The following BICC1 variants were observed in gnomAD, a reference collection of about 807,000 sequenced individuals.
BICC1 encodes protein bicaudal C homolog 1.
Under a neutral mutation model 111.0 loss-of-function variants are expected in BICC1, and 43 were observed. The ratio of observed to expected loss-of-function variants is 0.39; its 90% CI spans 0.30 to 0.50. The LOEUF is 0.50. Among genes scored for constraint, BICC1 ranks in the 20% least tolerant of loss-of-function variants. The pLI is 0.88. For synonymous variants in BICC1, 467 were observed against 434.4 expected (o/e 1.07, Z -0.93); for missense variants, 1,091 against 1,203.2 (o/e 0.91, Z 1.38).
chr10:58,548,285 A>G (rs911887893), intron 1 of BICC1, among the ~76,000 whole-genome samples: 2 of 152,202 alleles, frequency 1.3e-5, no homozygotes, highest in African/African-American at 4.8e-5. Flanking sequence ...TAGTGATTTT[A>G]GAATTCCTAA....
intron 1 of BICC1, among the ~76,000 whole-genome samples, chr10:58,604,770 T>C (rs988826284): frequency 6.6e-6 from 1 of 152,218 alleles, no homozygotes; most frequent in African/African-American, 2.4e-5. Context: ...TTAGTCTGTT[T>C]GGGCTGCTAT....
rs1845832587 is a variant in BICC1 at position 58,621,970 on chromosome 10, A to AACAGAACAGAAC, written c.237+1070_237+1071insCAGAACAGAACA. On this transcript the variant is annotated intron_variant, in intron 2 of 20. Coordinates refer to ENST00000373886, the MANE Select transcript of BICC1 (RefSeq NM_001080512.3). ...AGAATAGAATAGAATAGAATAGAAT[A>AACAGAACAGAAC]ATCCAGCCTGGGCAACATGGAGAAA... 2.2e-4 allele frequency among the ~76,000 whole-genome samples: 30 copies of AACAGAACAGAAC among 133,816 alleles called. 1 individual carries two copies. The highest frequency in any genetic ancestry group is 2.5e-4 in the South Asian group (1 of 4,016). The allele number at this position is 133,816 out of a possible 152,430, so 87.8% of individuals were successfully genotyped here.
intron 16 of BICC1, 94 bp downstream of exon 16, chr10:58,806,717 TCAGAAA>T: frequency 8.8e-7 from 1 of 1,137,082 alleles, no homozygotes; most frequent in Non-Finnish European, 1.3e-6. Flanking sequence ...ACTTGAAAAC[TCAGAAA>T]AAGAAACCTA....
intron 3 of BICC1, among the ~76,000 whole-genome samples, chr10:58,722,864 A>G (rs1482729069): frequency 6.6e-6 from 1 of 152,214 alleles, no homozygotes; most frequent in East Asian, 1.9e-4. Context: ...GAGGAAGTGT[A>G]GATTGACAAT....
At chr10:58,535,570 G>A (rs567680611) in intron 1 of BICC1, among the ~76,000 whole-genome samples, 3 of 151,842 alleles carry the variant, frequency 2.0e-5, no homozygotes, top group Admixed American at 6.6e-5. Flanking sequence ...TACAAGAAAT[G>A]CTAAAAGGAG....
chr10:58,610,761 T>C (rs1050802408), intron 1 of BICC1, among the ~76,000 whole-genome samples: 28 of 152,308 alleles, frequency 1.8e-4, no homozygotes, highest in African/African-American at 6.5e-4. Context: ...ATATACATTT[T>C]TCTTTTTGCG....
rs530237055 is a variant in BICC1 at position 58,584,786 on chromosome 10, CT to C, written c.191-36057del. 3.6e-3 allele frequency among the ~76,000 whole-genome samples: 509 copies of C among 141,762 alleles called. 3 individuals are homozygous for C. Among genetic ancestry groups the C allele is most frequent in the Middle Eastern group, 0.011 (3 of 270 alleles). 93.0% of individuals were successfully genotyped at this position (141,762 alleles called of 152,430 possible). ...TGAGTTCATTAGTGTATTGCAGTGC[CT>C]TTTTTTTTTTTCTTAGCACAATGAC... On this transcript the variant is annotated intron_variant, in intron 1 of 20. Coordinates refer to ENST00000373886, the MANE Select transcript of BICC1 (RefSeq NM_001080512.3).
At chr10:58,696,719 C>A (rs1266910487) in intron 2 of BICC1, among the ~76,000 whole-genome samples, 1 of 152,116 alleles carries the variant, frequency 6.6e-6, no homozygotes, top group African/African-American at 2.4e-5. Context: ...AACTGACTTA[C>A]CTGAAATAGC....
At chr10:58,777,734 GA>G (rs914501894) in intron 3 of BICC1, among the ~76,000 whole-genome samples, 9 of 150,232 alleles carry the variant, frequency 6.0e-5, no homozygotes, top group African/African-American at 2.0e-4. Flanking sequence ...GTTTCATTTG[GA>G]AAAAAAAAGA....
At chr10:58,577,338 C>T (rs957649657) in intron 1 of BICC1, among the ~76,000 whole-genome samples, 10 of 152,190 alleles carry the variant, frequency 6.6e-5, no homozygotes, top group Non-Finnish European at 1.2e-4. Context: ...CAACATCATT[C>T]TGATGCCAAA....
At chr10:58,676,718 A>G (rs1428358955) in intron 2 of BICC1, among the ~76,000 whole-genome samples, 1 of 152,160 alleles carries the variant, frequency 6.6e-6, no homozygotes, top group East Asian at 1.9e-4. Flanking sequence ...CTGCCTCCTC[A>G]AGTGGGTCTC....
intron 1 of BICC1, among the ~76,000 whole-genome samples, chr10:58,530,355 T>C (rs908662297): frequency 6.6e-6 from 1 of 151,816 alleles, no homozygotes; most frequent in Admixed American, 6.6e-5. Flanking sequence ...TATCCCTAAA[T>C]TGTCCACCTA....
intron 17 of BICC1, among the ~76,000 whole-genome samples, chr10:58,813,547 AAGGGATTATTTATCCCGG>A (rs1253601292): frequency 2.0e-5 from 3 of 152,138 alleles, no homozygotes; most frequent in African/African-American, 7.2e-5. Flanking sequence ...AATTTTATAG[AAGGGATTATTTATCCCGG>A]AGGCTCTCAG....
chr10:58,803,130 T>G lies in BICC1; in HGVS notation c.2069T>G (p.Leu690Trp). Reference sequence around the variant, plus strand: ...GAACTGAGTGCTACCGAAAGCCCTTTGGCTGACAAGAAGGCTCCAGGGAGT... The same window carrying G: ...GAACTGAGTGCTACCGAAAGCCCTTGGGCTGACAAGAAGGCTCCAGGGAGT... ...DPELSATESP[L>W]ADKKAPGSER... is the part of the protein sequence containing the mutation. The change falls in exon 15 of 21, where the codon TTG (leucine) becomes TGG (tryptophan). Residue 690 changes from leucine (L) to tryptophan (W), a missense_variant. Transcript: ENST00000373886. The G allele has an allele frequency of 6.2e-7, 1 of 1,610,366 alleles. No individual in the cohort carries two copies.
intron 14 of BICC1, among the ~76,000 whole-genome samples, chr10:58,801,787 A>G (rs1843556331): frequency 6.6e-6 from 1 of 151,478 alleles, no homozygotes; most frequent in Admixed American, 6.6e-5. Flanking sequence ...TCCTTTATAA[A>G]CTCTTTGGTC....
intron 17 of BICC1, among the ~76,000 whole-genome samples, chr10:58,808,798 C>A (rs1335763035): frequency 6.6e-6 from 1 of 151,518 alleles, no homozygotes; most frequent in East Asian, 1.9e-4. Flanking sequence ...TCACGGCAAC[C>A]ACCATCTCCT....
chr10:58,640,240 T>C (rs1838082683), intron 2 of BICC1, among the ~76,000 whole-genome samples: 1 of 152,210 alleles, frequency 6.6e-6, no homozygotes, highest in Middle Eastern at 3.2e-3. Flanking sequence ...CTGCCTGTGT[T>C]TACTGACAAC....
At chr10:58,740,293 G>A (rs902172101) in intron 3 of BICC1, among the ~76,000 whole-genome samples, 1 of 152,100 alleles carries the variant, frequency 6.6e-6, no homozygotes, top group African/African-American at 2.4e-5. Context: ...AATTCTAAAA[G>A]ATTTGCACAT....
chr10:58,806,487 C>A, intron 15 of BICC1, 97 bp from the exon 16 acceptor site: 3 of 1,069,814 alleles, frequency 2.8e-6, no homozygotes, highest in Non-Finnish European at 4.3e-6. Flanking sequence ...CAGGCAGATT[C>A]ATGGAACACA....
Sources: gnomAD v4.1 joint callset for allele counts (sites outside exome capture counted in the v4.1 genomes callset) on GRCh38, gnomAD v4.1.1 for gene constraint, MANE v1.5 for transcripts, NCBI Gene and HGNC (gene_info 2026-07-23, HGNC 2026-07-21) for gene names.